PPARGC1A: variants seen among roughly 807,000 people sequenced by gnomAD.
The protein encoded by PPARGC1A is PPARG coactivator 1 alpha.
PPARGC1A carries 25 observed loss-of-function variants against 88.7 expected under a neutral mutation model. The observed-to-expected ratio is 0.28, with a 90% CI of 0.21 to 0.39. The LOEUF (loss-of-function observed/expected upper bound fraction) is 0.39. Ranked by LOEUF, PPARGC1A falls within the 10% of genes least tolerant of loss-of-function variation. PPARGC1A has a pLI of 1.00. For synonymous variants in PPARGC1A, 363 were observed against 355.6 expected, an observed-to-expected ratio of 1.02 and a Z score of -0.24; for missense variants, 880 against 968.7, an observed-to-expected ratio of 0.91 and a Z score of 1.22.
At chr4:23,922,972 A>G in the PPARGC1A span, among the ~76,000 whole-genome samples, 2 of 152,074 alleles carry the variant, frequency 1.3e-5, no homozygotes, top group African/African-American at 2.4e-5. Flanking sequence ...TCAGCTAACT[A>G]TTGCATTTTC....
intron 10 of PPARGC1A, among the ~76,000 whole-genome samples, chr4:23,803,117 G>A (rs542132298): frequency 5.3e-5 from 8 of 152,098 alleles, no homozygotes; most frequent in South Asian, 2.1e-4. Flanking sequence ...AAACTCTGAC[G>A]TCCTCAAAAG....
At chr4:23,857,251 C>T (rs1270514447) in intron 2 of PPARGC1A, among the ~76,000 whole-genome samples, 7 of 151,292 alleles carry the variant, frequency 4.6e-5, no homozygotes, top group Non-Finnish European at 7.4e-5. Flanking sequence ...TAAAAGGCAA[C>T]AAGTGCATAG....
At chr4:24,467,753 G>A in the PPARGC1A span, among the ~76,000 whole-genome samples, 2 of 152,082 alleles carry the variant, frequency 1.3e-5, no homozygotes, top group African/African-American at 4.8e-5. Flanking sequence ...CCTTGCTGGA[G>A]AAGACACAGT....
chr4:24,442,047 A>T, the PPARGC1A span, among the ~76,000 whole-genome samples: 1 of 152,248 alleles, frequency 6.6e-6, no homozygotes, highest in Non-Finnish European at 1.5e-5. Context: ...GTTTCATTTA[A>T]ATAGAGTGGC....
At chr4:23,910,931 T>G in the PPARGC1A span, among the ~76,000 whole-genome samples, 1 of 152,028 alleles carries the variant, frequency 6.6e-6, no homozygotes, top group East Asian at 1.9e-4. Flanking sequence ...CCAGAATTCA[T>G]GCCCTCCCCT....
the PPARGC1A span, among the ~76,000 whole-genome samples, chr4:24,333,655 G>T: frequency 6.6e-6 from 1 of 151,804 alleles, no homozygotes; most frequent in East Asian, 1.9e-4. Flanking sequence ...CACTAGTGGC[G>T]GTGTGCGGTG....
At chr4:24,230,829 G>A in the PPARGC1A span, among the ~76,000 whole-genome samples, 7 of 152,018 alleles carry the variant, frequency 4.6e-5, no homozygotes, top group Non-Finnish European at 7.4e-5. Context: ...GATTTCAAAG[G>A]ATGATGTAGA....
the PPARGC1A span, among the ~76,000 whole-genome samples, chr4:24,448,134 A>G: frequency 6.6e-6 from 1 of 152,154 alleles, no homozygotes; most frequent in Non-Finnish European, 1.5e-5. Flanking sequence ...CCAAGCAAAC[A>G]TTATTTTCCT....
the PPARGC1A span, among the ~76,000 whole-genome samples, chr4:24,467,149 C>A: frequency 4.6e-5 from 7 of 151,250 alleles, no homozygotes; most frequent in African/African-American, 1.5e-4. Context: ...GAAAGAAAAG[C>A]GAACAATGTT....
the PPARGC1A span, among the ~76,000 whole-genome samples, chr4:24,057,241 T>C: frequency 2.0e-5 from 3 of 152,030 alleles, no homozygotes; most frequent in South Asian, 6.2e-4. Context: ...ACAAAATACC[T>C]AGAGTAGTCA....
At chr4:24,161,975 C>T in the PPARGC1A span, among the ~76,000 whole-genome samples, 299 of 130,894 alleles carry the variant, frequency 2.3e-3, 1 homozygote, top group African/African-American at 9.7e-3. Flanking sequence ...CACACACACA[C>T]ACACACACAC....
chr4:24,323,038 T>A, the PPARGC1A span, among the ~76,000 whole-genome samples: 4 of 152,204 alleles, frequency 2.6e-5, no homozygotes, highest in Admixed American at 6.5e-5. Flanking sequence ...GGTTTGGACC[T>A]CAGGTACTCT....
chr4:23,942,675 C>T, the PPARGC1A span, among the ~76,000 whole-genome samples: 1 of 152,174 alleles, frequency 6.6e-6, no homozygotes, highest in Admixed American at 6.5e-5. Context: ...ATAAACACTA[C>T]ATCTTGGAAT....
upstream of PPARGC1A, among the ~76,000 whole-genome samples, chr4:23,901,984 A>C (rs1233990495): frequency 6.6e-6 from 1 of 152,190 alleles, no homozygotes; most frequent in Non-Finnish European, 1.5e-5. Context: ...CTAGCCACAT[A>C]TATGGCTACT....
chr4:24,057,802 A>AGTAG, the PPARGC1A span, among the ~76,000 whole-genome samples: 12 of 152,218 alleles, frequency 7.9e-5, no homozygotes, highest in Non-Finnish European at 1.6e-4. Flanking sequence ...TAGCGAGCTG[A>AGTAG]GTAGGCCCAG....
the PPARGC1A span, among the ~76,000 whole-genome samples, chr4:23,944,355 C>G: frequency 6.6e-6 from 1 of 152,198 alleles, no homozygotes; most frequent in Non-Finnish European, 1.5e-5. Flanking sequence ...CTCCAAAGCA[C>G]CCTGAACTTC....
chr4:23,899,301 GCT>G (rs1719012577), exon 1 of PPARGC1A: 1 of 152,192 alleles, frequency 6.6e-6, no homozygotes, highest in Admixed American at 6.5e-5. Context: ...CAGCTTGTGT[GCT>G]CTCTTTGTCT....
chr4:23,978,123 A>G, the PPARGC1A span, among the ~76,000 whole-genome samples: 11 of 152,210 alleles, frequency 7.2e-5, no homozygotes, highest in African/African-American at 2.7e-4. Flanking sequence ...TAGCTAAAGA[A>G]AAAGCTCTAG....
intron 2 of PPARGC1A, among the ~76,000 whole-genome samples, chr4:23,858,210 A>G (rs1178223606): frequency 6.6e-6 from 1 of 152,054 alleles, no homozygotes; most frequent in African/African-American, 2.4e-5. Flanking sequence ...CAGGCACTAT[A>G]CAGGACATTT....
Sources: allele counts gnomAD v4.1 joint callset (sites outside exome capture counted in the v4.1 genomes callset), GRCh38; gene constraint gnomAD v4.1.1; transcripts MANE v1.5; gene names NCBI Gene and HGNC (gene_info 2026-07-23, HGNC 2026-07-21).